Variants in NR6A1 observed in about 807,000 individuals in gnomAD.
NR6A1 encodes the protein nuclear receptor subfamily 6 group A member 1, also known as retinoic acid receptor-related testis-associated receptor.
In NR6A1, 7 loss-of-function variants were observed where a neutral mutation model predicts 59.1. The observed-to-expected ratio is 0.12, with a 90% CI of 0.07 to 0.22. The LOEUF (loss-of-function observed/expected upper bound fraction) is 0.22, where lower values mean the gene tolerates loss of function less well. Ranked by LOEUF, NR6A1 falls within the 10% of genes least tolerant of loss-of-function variation. The pLI is 1.00. For missense variants in NR6A1, 468 were observed against 611.6 expected, an observed-to-expected ratio of 0.77 and a Z score of 2.48; for synonymous variants, 243 against 236.1, an observed-to-expected ratio of 1.03 and a Z score of -0.27.
At chr9:124,598,759 G>T in intron 2 of NR6A1, 1 of 914,788 alleles carries the variant, frequency 1.1e-6, no homozygotes, top group South Asian at 1.3e-5. Context: ...TTCACCGAAA[G>T]AGCTTCTAGC....
At chr9:124,735,511 C>G (rs1219076249) in intron 1 of NR6A1, among the ~76,000 whole-genome samples, 1 of 152,166 alleles carries the variant, frequency 6.6e-6, no homozygotes, top group Admixed American at 6.5e-5. Context: ...GCCTCTAGAT[C>G]AGTCTAGGGA....
chr9:124,740,452 A>G (rs1265785789), intron 1 of NR6A1, among the ~76,000 whole-genome samples: 1 of 151,260 alleles, frequency 6.6e-6, no homozygotes, highest in Non-Finnish European at 1.5e-5. Flanking sequence ...CAAGTCTTAT[A>G]TAGTTTTAAA....
At chr9:124,617,949 C>A (rs575970743) in intron 2 of NR6A1, among the ~76,000 whole-genome samples, 1 of 152,168 alleles carries the variant, frequency 6.6e-6, no homozygotes, top group African/African-American at 2.4e-5. Flanking sequence ...CCATGCCAAA[C>A]CTTTATCAAC....
intron 2 of NR6A1, among the ~76,000 whole-genome samples, chr9:124,718,110 G>A (rs557260490): frequency 1.3e-5 from 2 of 152,276 alleles, no homozygotes; most frequent in Admixed American, 6.5e-5. Flanking sequence ...AGCTTCACAC[G>A]TTGCCTATGC....
intron 1 of NR6A1, among the ~76,000 whole-genome samples, chr9:124,760,075 G>A (rs1840744551): frequency 6.8e-6 from 1 of 146,486 alleles, no homozygotes; most frequent in South Asian, 2.2e-4. Context: ...GAGGTGGGAT[G>A]CCGAGGCAGG....
chr9:124,703,821 GCTTC>G (rs1401049388), intron 2 of NR6A1, among the ~76,000 whole-genome samples: 1 of 126,536 alleles, frequency 7.9e-6, no homozygotes, highest in Non-Finnish European at 1.7e-5. Flanking sequence ...TAGTATTATT[GCTTC>G]CTTGATTTTT....
At chr9:124,552,403 G>A (rs890995891) in intron 3 of NR6A1, among the ~76,000 whole-genome samples, 1 of 152,188 alleles carries the variant, frequency 6.6e-6, no homozygotes, top group African/African-American at 2.4e-5. Context: ...GCACAGCAGT[G>A]TAAGGCATCC....
intron 2 of NR6A1, among the ~76,000 whole-genome samples, chr9:124,585,035 T>C (rs1189904450): frequency 6.6e-6 from 1 of 152,188 alleles, no homozygotes; most frequent in African/African-American, 2.4e-5. Flanking sequence ...AAAGTTTTAG[T>C]AGTCTGGATA....
intron 2 of NR6A1, among the ~76,000 whole-genome samples, chr9:124,568,875 A>T (rs1386670552): frequency 1.3e-5 from 2 of 151,802 alleles, no homozygotes; most frequent in Non-Finnish European, 2.9e-5. Context: ...GCACTTTGGG[A>T]GGCCGAGGCG....
In NR6A1 at chr9:124,711,964, T is replaced by G. The variant is rs1297599265; in HGVS notation, c.142+21344A>C. On this transcript the variant is annotated intron_variant, in intron 2 of 9. Coordinates refer to ENST00000487099, the MANE Select transcript of NR6A1 (RefSeq NM_033334.4). ...TTAGAATGACCTAAGGGTATACAAC[T>G]CCCTTCTCCAAGATTTTGAAGCCTA... 3.3e-5 allele frequency among the ~76,000 whole-genome samples: 5 copies of G among 152,316 alleles called. No individual in the cohort carries two copies. The East Asian group carries it at 9.6e-4, about 29-fold the overall frequency.
chr9:124,625,879 C>T (rs1280346607), intron 2 of NR6A1, among the ~76,000 whole-genome samples: 1 of 152,196 alleles, frequency 6.6e-6, no homozygotes, highest in Non-Finnish European at 1.5e-5. Context: ...CTCCAGCAGC[C>T]TGCCTTTGGA....
intron 1 of NR6A1, among the ~76,000 whole-genome samples, chr9:124,768,726 A>C (rs1841013821): frequency 6.6e-6 from 1 of 152,266 alleles, no homozygotes; most frequent in Non-Finnish European, 1.5e-5. Context: ...ATTAAGAGTT[A>C]AAATTACCAT....
Position 124,524,844 on chromosome 9 carries a change from G to T in NR6A1, c.1231C>A (p.Leu411Met). ...CAGTATCGTTTATTCAATTGTTCCA[G>T]CTGTGAGGCACTGGTCAGACCCCTG... ...DIRGLTSASQ[L>M]EQLNKRYWYI... The change falls in exon 9 of 10, where the codon CTG becomes ATG. Residue 411 changes from leucine (L) to methionine (M), a missense_variant. Physicochemically the swap from Leu to Met is conservative, Grantham distance 15 (BLOSUM62 2). Coordinates refer to ENST00000487099, the MANE Select transcript of NR6A1 (RefSeq NM_033334.4). 1 of 1,613,280 alleles carries T rather than the reference G, an allele frequency of 6.2e-7. No individual in the cohort carries two copies. The highest frequency in any genetic ancestry group is 1.3e-5 in the African/African-American group (1 of 74,752).
chr9:124,740,516 T>C (rs1336930105), intron 1 of NR6A1, among the ~76,000 whole-genome samples: 8 of 152,170 alleles, frequency 5.3e-5, no homozygotes, highest in African/African-American at 9.7e-5. Flanking sequence ...AAGGTCAAAA[T>C]AGGTCTTGAA....
At chr9:124,673,718 T>C (rs1406172171) in intron 2 of NR6A1, among the ~76,000 whole-genome samples, 4 of 152,182 alleles carry the variant, frequency 2.6e-5, no homozygotes, top group Non-Finnish European at 5.9e-5. Flanking sequence ...CATGGTTTCA[T>C]GAAGACATCA....
intron 2 of NR6A1, among the ~76,000 whole-genome samples, chr9:124,649,967 G>GA (rs1837050105): frequency 6.6e-6 from 1 of 152,110 alleles, no homozygotes; most frequent in African/African-American, 2.4e-5. Flanking sequence ...GAGAAAAGGG[G>GA]AACACTTCTA....
chr9:124,595,956 C>T (rs1273706429), intron 2 of NR6A1: 7 of 446,616 alleles, frequency 1.6e-5, no homozygotes, highest in Non-Finnish European at 2.8e-5. Context: ...TCTAAGGTCA[C>T]AACGTGTACG....
intron 1 of NR6A1, among the ~76,000 whole-genome samples, chr9:124,769,263 A>G (rs1841036214): frequency 6.6e-6 from 1 of 152,090 alleles, no homozygotes; most frequent in Non-Finnish European, 1.5e-5. Flanking sequence ...AAAAAAAAAA[A>G]AAAAAGAGCT....
rs567127582 is a variant in NR6A1 at position 124,760,692 on chromosome 9, T to G, written c.100+10328A>C. Among the ~76,000 whole-genome samples, 33 of 152,350 alleles carry G rather than the reference T, an allele frequency of 2.2e-4. No individual in the cohort carries two copies. In the South Asian group the frequency reaches 6.4e-3, roughly 30 times the overall value. ...TGTAAGATGGGGATAACAGAACACCTACCTCAGAGTTAAGACGATAAATAT... is the reference window on the plus strand; with the variant it reads ...TGTAAGATGGGGATAACAGAACACCGACCTCAGAGTTAAGACGATAAATAT... On this transcript the variant is annotated intron_variant, in intron 1 of 9. Transcript: ENST00000487099.
Sources: allele counts gnomAD v4.1 joint callset (sites outside exome capture counted in the v4.1 genomes callset), GRCh38; gene constraint gnomAD v4.1.1; transcripts MANE v1.5; gene names NCBI Gene and HGNC (gene_info 2026-07-23, HGNC 2026-07-21).